PTPRD: variants seen among roughly 807,000 people sequenced by gnomAD.
The protein encoded by PTPRD is protein tyrosine phosphatase receptor type D.
Under a neutral mutation model 214.5 loss-of-function variants are expected in PTPRD, and 34 were observed. That is an observed-to-expected ratio of 0.16 (90% CI 0.12 to 0.21). PTPRD has a LOEUF of 0.21. Among genes scored for constraint, PTPRD ranks in the 10% least tolerant of loss-of-function variants. The pLI, the probability that PTPRD is intolerant of heterozygous loss-of-function variation, is 1.00. For synonymous variants in PTPRD, 1,128 were observed against 845.7 expected, an observed-to-expected ratio of 1.33 and a Z score of -5.79; for missense variants, 2,545 against 2,398.7, an observed-to-expected ratio of 1.06 and a Z score of -1.27.
intron 10 of PTPRD, among the ~76,000 whole-genome samples, chr9:9,180,024 G>A (rs1044339949): frequency 1.3e-5 from 2 of 152,074 alleles, no homozygotes; most frequent in African/African-American, 2.4e-5. Flanking sequence ...ATTGGCAAGA[G>A]TGAAAAGTTA....
chr9:9,583,837 C>T (rs2091370938), intron 7 of PTPRD, among the ~76,000 whole-genome samples: 1 of 152,042 alleles, frequency 6.6e-6, no homozygotes, highest in Non-Finnish European at 1.5e-5. Context: ...TTATCACTCC[C>T]TATTCTGAAA....
chr9:9,234,589 C>T (rs1569565037), intron 9 of PTPRD, among the ~76,000 whole-genome samples: 1 of 152,102 alleles, frequency 6.6e-6, no homozygotes, highest in Non-Finnish European at 1.5e-5. Context: ...TTATGCTTTG[C>T]TTTCTCTTGA....
intron 3 of PTPRD, among the ~76,000 whole-genome samples, chr9:10,118,012 G>C (rs758059619): frequency 2.6e-5 from 4 of 151,912 alleles, no homozygotes; most frequent in Admixed American, 1.3e-4. Flanking sequence ...AAATGTGGTA[G>C]GAAATGTCTA....
intron 2 of PTPRD, among the ~76,000 whole-genome samples, chr9:10,470,528 T>C (rs1485633031): frequency 6.6e-6 from 1 of 152,142 alleles, no homozygotes; most frequent in African/African-American, 2.4e-5. Context: ...AGGGAAATAA[T>C]TCACCCTAAC....
In PTPRD at chr9:9,624,270, G is replaced by GT. The variant is rs3049073; in HGVS notation, c.-286-49490dup. 9.8e-4 allele frequency among the ~76,000 whole-genome samples: 147 copies of GT among 149,874 alleles called. No individual in the cohort carries two copies. The East Asian group carries it at 0.015, about 15-fold the overall frequency. The stretch of plus-strand genomic sequence containing the variant: ...CTATTACTTTGTATTTCAGTAGCTA[G>GT]TTTTTTTTTTGTTTGTTTGTTTGTT... On this transcript the variant is annotated intron_variant, in intron 7 of 45. Coordinates refer to ENST00000381196, the MANE Select transcript of PTPRD (RefSeq NM_002839.4).
chr9:9,785,193 G>T (rs1012126793), intron 5 of PTPRD, among the ~76,000 whole-genome samples: 5 of 151,748 alleles, frequency 3.3e-5, no homozygotes, highest in Admixed American at 2.0e-4. Context: ...ATATAGAAAG[G>T]ATCAGAAAAA....
intron 5 of PTPRD, among the ~76,000 whole-genome samples, chr9:9,853,961 G>A (rs2061045969): frequency 6.6e-6 from 1 of 152,142 alleles, no homozygotes; most frequent in South Asian, 2.1e-4. Flanking sequence ...AAGGTATTTA[G>A]CAGATTCATC....
intron 5 of PTPRD, among the ~76,000 whole-genome samples, chr9:9,794,616 ATTGT>A (rs142221571): frequency 0.027 from 4,088 of 152,242 alleles, 78 homozygotes; most frequent in Non-Finnish European, 0.039. Flanking sequence ...CATGACTAAC[ATTGT>A]TTGTCGACTA....
chr9:10,185,998 G>C (rs559251966), intron 3 of PTPRD, among the ~76,000 whole-genome samples: 32 of 152,190 alleles, frequency 2.1e-4, no homozygotes, highest in African/African-American at 6.5e-4. Flanking sequence ...CAAAATAATG[G>C]CTCAGGTTTG....
At chr9:9,585,489 T>C (rs1163872385) in intron 7 of PTPRD, among the ~76,000 whole-genome samples, 7 of 152,114 alleles carry the variant, frequency 4.6e-5, no homozygotes, top group Admixed American at 4.6e-4. Flanking sequence ...TTTCTAACTA[T>C]ATATTGCACA....
At chr9:8,558,921 C>G (rs928645948) in intron 14 of PTPRD, among the ~76,000 whole-genome samples, 1 of 152,106 alleles carries the variant, frequency 6.6e-6, no homozygotes, top group African/African-American at 2.4e-5. Flanking sequence ...ATATATTCAT[C>G]AGAACTTATC....
At chr9:10,454,128 C>T (rs2098883396) in intron 2 of PTPRD, among the ~76,000 whole-genome samples, 1 of 151,544 alleles carries the variant, frequency 6.6e-6, no homozygotes. Flanking sequence ...GCAAACTATA[C>T]CTACTAAACT....
At chr9:8,633,252 A>G (rs983453318) in intron 14 of PTPRD, 65 bp downstream of exon 14, 1 of 1,551,046 alleles carries the variant, frequency 6.4e-7, no homozygotes. Flanking sequence ...CTTTTCAATG[A>G]TGCTACAAAA....
chr9:8,316,366 C>T lies in PTPRD; in HGVS notation c.*1508G>A. On this transcript the variant is annotated 3_prime_UTR_variant, in exon 46 of 46. Transcript: ENST00000381196. Reference sequence around the variant, plus strand: ...AGGCACTCTAAATGCAAAACTAAAACCAAAACGAAACAAAGTACAGCACTT... The same window carrying T: ...AGGCACTCTAAATGCAAAACTAAAATCAAAACGAAACAAAGTACAGCACTT... 4.3e-6 allele frequency: 1 copy of T among 231,524 alleles called. No homozygotes were observed. Among genetic ancestry groups the T allele is most frequent in the Non-Finnish European group, 8.6e-6 (1 of 116,744 alleles). The allele number at this position is 231,524 out of a possible 1,614,324, so 14.3% of individuals were successfully genotyped here.
At chr9:10,279,852 A>G (rs2094988414) in intron 3 of PTPRD, among the ~76,000 whole-genome samples, 1 of 152,148 alleles carries the variant, frequency 6.6e-6, no homozygotes, top group African/African-American at 2.4e-5. Flanking sequence ...CATTAATACC[A>G]GTGCCCTTTT....
At chr9:8,978,438 T>C (rs1017174101) in intron 11 of PTPRD, among the ~76,000 whole-genome samples, 1 of 152,096 alleles carries the variant, frequency 6.6e-6, no homozygotes, top group Non-Finnish European at 1.5e-5. Flanking sequence ...ATCCACGGAA[T>C]GAACTATTGG....
At chr9:9,380,429 A>G (rs1276909002) in intron 9 of PTPRD, among the ~76,000 whole-genome samples, 1 of 152,068 alleles carries the variant, frequency 6.6e-6, no homozygotes, top group Non-Finnish European at 1.5e-5. Context: ...GGTACATGAG[A>G]TGTTTTGATA....
At chr9:10,412,112 G>A (rs7027091) in intron 2 of PTPRD, among the ~76,000 whole-genome samples, 1 of 151,436 alleles carries the variant, frequency 6.6e-6, no homozygotes, top group Non-Finnish European at 1.5e-5. Flanking sequence ...GAAACAGCCT[G>A]AGGGAAGATT....
chr9:9,816,777 T>C (rs2048913113), intron 5 of PTPRD, among the ~76,000 whole-genome samples: 2 of 151,976 alleles, frequency 1.3e-5, no homozygotes, highest in African/African-American at 4.8e-5. Context: ...TGCATTCCTT[T>C]AGTAATAGAT....
Sources: allele counts gnomAD v4.1 joint callset (sites outside exome capture counted in the v4.1 genomes callset), GRCh38; gene constraint gnomAD v4.1.1; transcripts MANE v1.5; gene names NCBI Gene and HGNC (gene_info 2026-07-23, HGNC 2026-07-21).